Variants in EIF3A observed in about 807,000 individuals in gnomAD.
The protein encoded by EIF3A is EIF3, p180 subunit.
In EIF3A, 21 loss-of-function variants were observed where a neutral mutation model predicts 186.6. The observed-to-expected ratio is 0.11, with a 90% CI of 0.08 to 0.16. EIF3A has a LOEUF of 0.16. EIF3A is among the 10% of genes least tolerant of loss of function. The probability of loss-of-function intolerance (pLI) is 1.00; values close to 1 mark genes in which losing one functional copy is unlikely to be tolerated. For missense variants in EIF3A, 1,306 were observed against 1,796.3 expected (o/e 0.73, Z 4.93); for synonymous variants, 563 against 584.3 (o/e 0.96, Z 0.52).
chr10:119,037,077 A>G, intron 21 of EIF3A, 42 bp downstream of exon 21: 1 of 409,626 alleles, frequency 2.4e-6, no homozygotes, highest in Non-Finnish European at 4.4e-6. Flanking sequence ...CCCCCCAGAA[A>G]CGACAGTTCT....
chr10:119,048,593 G>A (rs768809696), intron 17 of EIF3A, among the ~76,000 whole-genome samples: 5 of 152,130 alleles, frequency 3.3e-5, no homozygotes, highest in African/African-American at 4.8e-5. Flanking sequence ...GACAGGTGCT[G>A]CTGACAGCTG....
chr10:119,047,282 CAAAAAGAACCTA>C (rs1479374114), intron 17 of EIF3A, among the ~76,000 whole-genome samples: 1 of 151,990 alleles, frequency 6.6e-6, no homozygotes, highest in African/African-American at 2.4e-5. Flanking sequence ...CACACACACA[CAAAAAGAACCTA>C]GAAAAGTTCT....
intron 7 of EIF3A, among the ~76,000 whole-genome samples, chr10:119,062,420 A>G (rs1418043453): frequency 2.6e-5 from 4 of 152,202 alleles, no homozygotes; most frequent in African/African-American, 9.7e-5. Context: ...CTGTCTCATA[A>G]ATTTGGTTAT....
At chr10:119,076,402 A>C (rs957579347) in intron 1 of EIF3A, among the ~76,000 whole-genome samples, 4 of 152,032 alleles carry the variant, frequency 2.6e-5, no homozygotes, top group African/African-American at 9.7e-5. Context: ...CCTTATATGA[A>C]ATCACATTTT....
intron 14 of EIF3A, among the ~76,000 whole-genome samples, chr10:119,053,159 T>C (rs1420056230): frequency 6.6e-6 from 1 of 152,152 alleles, no homozygotes; most frequent in Non-Finnish European, 1.5e-5. Flanking sequence ...CAGCAAACCA[T>C]GCTATTAACA....
At chr10:119,060,892 G>C (rs746818834) in intron 8 of EIF3A, 48 bp from the exon 9 acceptor site, 22 of 1,282,218 alleles carry the variant, frequency 1.7e-5, no homozygotes, top group Non-Finnish European at 2.4e-5. Context: ...CTACATAAGA[G>C]ATACTAAAAC....
intron 4 of EIF3A, 86 bp downstream of exon 4, chr10:119,072,804 A>C: frequency 6.8e-7 from 1 of 1,460,240 alleles, no homozygotes; most frequent in Non-Finnish European, 9.2e-7. Flanking sequence ...AAGGATAAAA[A>C]CTAGTTCATT....
At position 119,036,218 on chromosome 10, in the gene EIF3A, G is replaced by A. The variant is rs770393981; in HGVS notation, c.3970C>T (p.Arg1324Trp). Residue 1324 changes from arginine (R) to tryptophan (W), a missense_variant, in exon 22 of 22, where the codon CGG becomes TGG. Physicochemically the swap from Arg to Trp is moderately radical, Grantham distance 101. This residue lies in a region of EIF3A where 331 missense variants were observed against 365.8 expected (regional missense o/e 0.90). Coordinates refer to ENST00000369144, the MANE Select transcript of EIF3A (RefSeq NM_003750.4). ...GGAGGAACTCGACGAGGAGGGTCCCGCTCTTCCACCCGGTCATCTTTCCTG... is the reference window on the plus strand; with the variant it reads ...GGAGGAACTCGACGAGGAGGGTCCCACTCTTCCACCCGGTCATCTTTCCTG... ...DDRKDDRVEE[R>W]DPPRRVPPPA... 9.9e-6 allele frequency: 16 copies of A among 1,612,880 alleles called. No homozygotes were observed. The highest frequency in any genetic ancestry group is 8.1e-5 in the African/African-American group (6 of 74,470).
Position 119,042,749 on chromosome 10 carries a change from C to T in EIF3A, c.2771G>A (p.Arg924Gln), listed in dbSNP as rs1206222953. 7.5e-6 allele frequency: 12 copies of T among 1,607,876 alleles called. No individual in the cohort carries two copies. Among genetic ancestry groups the T allele is most frequent in the African/African-American group, 4.0e-5 (3 of 74,806 alleles). ...PEKEWRRGEG[R>Q]DEDRSHRRDE... ...TCTTCTATGAGACCTGTCCTCATCT[C>T]GCCCTTCTCCACGTCTCCACTCCCT... Residue 924 changes from arginine to glutamine, a missense_variant, in exon 19 of 22, where the codon CGA (arginine) becomes CAA (glutamine). Physicochemically the swap from Arg to Gln is conservative, Grantham distance 43 (BLOSUM62 1). Transcript: ENST00000369144. This position sits in a 1 kb window ranked among gnomAD's most constrained non-coding sequence, Gnocchi z 7.8.
intron 9 of EIF3A, among the ~76,000 whole-genome samples, chr10:119,060,371 T>C (rs1843865902): frequency 6.6e-6 from 1 of 152,124 alleles, no homozygotes; most frequent in Non-Finnish European, 1.5e-5. Flanking sequence ...GTAATAGAAG[T>C]ATGCAAAGAT....
intron 4 of EIF3A, among the ~76,000 whole-genome samples, chr10:119,071,306 C>G (rs1045081100): frequency 6.6e-6 from 1 of 152,076 alleles, no homozygotes; most frequent in Non-Finnish European, 1.5e-5. Flanking sequence ...TTGCTTACAA[C>G]TAAAATGTGG....
At chr10:119,050,808 C>A in intron 15 of EIF3A, 134 bp from the exon 16 acceptor site, 1 of 935,126 alleles carries the variant, frequency 1.1e-6, no homozygotes, top group Admixed American at 2.7e-5. Flanking sequence ...AGCACAAAAA[C>A]TCTAACTTCC....
intron 1 of EIF3A, among the ~76,000 whole-genome samples, chr10:119,079,929 A>G (rs1233954884): frequency 6.6e-6 from 1 of 152,162 alleles, no homozygotes; most frequent in Non-Finnish European, 1.5e-5. Flanking sequence ...CTCTATTCCA[A>G]CTTCCAGTGA....
intron 6 of EIF3A, among the ~76,000 whole-genome samples, chr10:119,068,473 G>A (rs781371911): frequency 5.3e-5 from 8 of 150,668 alleles, no homozygotes; most frequent in Non-Finnish European, 8.9e-5. Flanking sequence ...ACAGGAGTTC[G>A]AGGACAGCCT....
intron 1 of EIF3A, among the ~76,000 whole-genome samples, chr10:119,079,647 C>A (rs1452841496): frequency 1.3e-5 from 2 of 152,014 alleles, no homozygotes; most frequent in Admixed American, 1.3e-4. Context: ...ACATGTGCAT[C>A]CCCAGAACGC....
rs756916885 is a variant in EIF3A, at chr10:119,038,320, G to T, written c.3646C>A (p.Arg1216=). The T allele has an allele frequency of 3.1e-6, 5 of 1,613,830 alleles. No individual in the cohort carries two copies. The highest frequency in any genetic ancestry group is 4.2e-6 in the Non-Finnish European group (5 of 1,179,920). The part of the protein sequence containing the change: ...EKERDRDNQD[R]EENDKDPERE... ...TCAGGGTCCTTGTCATTCTCCTCCC[G>T]ATCTTGATTATCTCTGTCCCTTTCT... is the stretch of plus-strand genomic sequence containing the variant. Residue 1216 remains arginine (R), a synonymous_variant, in exon 20 of 22, where the codon CGG becomes AGG. Transcript: ENST00000369144.
chr10:119,074,977 T>G (rs1451231985), intron 1 of EIF3A, among the ~76,000 whole-genome samples: 2 of 49,100 alleles, frequency 4.1e-5, no homozygotes, highest in African/African-American at 7.0e-5. Context: ...AATAACTTAT[T>G]TTTTTTCTTT....
At chr10:119,049,075 G>A (rs1848320425) in intron 17 of EIF3A, among the ~76,000 whole-genome samples, 1 of 152,166 alleles carries the variant, frequency 6.6e-6, no homozygotes, top group Non-Finnish European at 1.5e-5. Context: ...GTATGCTTAA[G>A]CCTGTAAAAT....
chr10:119,047,048 A>AC (rs1449988713), intron 17 of EIF3A, among the ~76,000 whole-genome samples: 3 of 151,896 alleles, frequency 2.0e-5, no homozygotes, highest in Non-Finnish European at 4.4e-5. Flanking sequence ...TGAGTGGACC[A>AC]CGAGGTCAGG....
Sources: allele counts gnomAD v4.1 joint callset (sites outside exome capture counted in the v4.1 genomes callset), GRCh38; gene constraint gnomAD v4.1.1; regional missense constraint gnomAD v4.1.1; non-coding constraint Gnocchi (gnomAD v3.1); transcripts MANE v1.5; gene names NCBI Gene and HGNC (gene_info 2026-07-23, HGNC 2026-07-21).